Variants in CPNE4 observed in about 807,000 individuals in gnomAD.
CPNE4 encodes copine-4.
CPNE4 carries 25 observed loss-of-function variants against 67.9 expected under a neutral mutation model. That is an observed-to-expected ratio of 0.37 (90% CI 0.27 to 0.51). The LOEUF (loss-of-function observed/expected upper bound fraction) is 0.51, where lower values mean the gene tolerates loss of function less well. Among genes scored for constraint, CPNE4 ranks in the 20% least tolerant of loss-of-function variants. CPNE4 has a pLI of 0.93. For synonymous variants in CPNE4, 242 were observed against 244.9 expected (o/e 0.99, Z 0.11); for missense variants, 464 against 690.8 (o/e 0.67, Z 3.68).
At chr3:131,869,184 T>A (rs949607013) in intron 2 of CPNE4, among the ~76,000 whole-genome samples, 1 of 152,118 alleles carries the variant, frequency 6.6e-6, no homozygotes, top group South Asian at 2.1e-4. Context: ...TTCATTTTTT[T>A]AAACACCTGG....
chr3:131,842,679 CCAT>C, intron 2 of CPNE4, among the ~76,000 whole-genome samples: 2 of 148,498 alleles, frequency 1.3e-5, no homozygotes, highest in South Asian at 4.3e-4. Context: ...GCTAAGTTTT[CCAT>C]CACCACCAAT....
At chr3:131,986,745 A>T (rs2073052617) in intron 1 of CPNE4, among the ~76,000 whole-genome samples, 1 of 151,826 alleles carries the variant, frequency 6.6e-6, no homozygotes, top group Non-Finnish European at 1.5e-5. Context: ...AAATATAAAA[A>T]ATTAGAAGCC....
chr3:131,607,709 G>A (rs1403339548), intron 7 of CPNE4, among the ~76,000 whole-genome samples: 4 of 152,140 alleles, frequency 2.6e-5, no homozygotes, highest in Non-Finnish European at 5.9e-5. Flanking sequence ...TACTATGGGA[G>A]GTTAATAGGT....
chr3:131,855,641 G>A (rs9856151), intron 2 of CPNE4, among the ~76,000 whole-genome samples: 30,680 of 151,856 alleles, frequency 0.2, 3,849 homozygotes, highest in Non-Finnish European at 0.27. Flanking sequence ...GGTAAAGCCT[G>A]GGCTCTGGAG....
At chr3:131,696,365 C>A (rs1406413617) in intron 5 of CPNE4, among the ~76,000 whole-genome samples, 177 bp downstream of exon 5, 1 of 152,196 alleles carries the variant, frequency 6.6e-6, no homozygotes, top group Non-Finnish European at 1.5e-5. Flanking sequence ...AGTCCCTTCC[C>A]TTTCTCATTA....
intron 1 of CPNE4, among the ~76,000 whole-genome samples, chr3:131,938,827 G>A (rs954543496): frequency 6.6e-6 from 1 of 152,076 alleles, no homozygotes; most frequent in Non-Finnish European, 1.5e-5. Context: ...ATATAAAATG[G>A]ATCAGGTTTA....
chr3:131,941,480 T>C (rs2107857766), intron 1 of CPNE4, among the ~76,000 whole-genome samples: 1 of 152,182 alleles, frequency 6.6e-6, no homozygotes, highest in South Asian at 2.1e-4. Context: ...GAGCTGATTG[T>C]TAAACATTTA....
rs1437753399 is a variant in CPNE4 at position 131,649,938 on chromosome 3, T to C, written c.681+19737A>G. Reference sequence around the variant, plus strand: ...ACAAGGCTGAAATCTAGGTGTCAGGTAGGCTGCATTTTCATCTGAATGCTT... The same window carrying C: ...ACAAGGCTGAAATCTAGGTGTCAGGCAGGCTGCATTTTCATCTGAATGCTT... On this transcript the variant is annotated intron_variant, in intron 7 of 15. Coordinates refer to ENST00000429747, the MANE Select transcript of CPNE4 (RefSeq NM_130808.3). Among the ~76,000 whole-genome samples the C allele has an allele frequency of 3.3e-5, 5 of 152,188 alleles. No individual in the cohort carries two copies. In the East Asian group the frequency reaches 7.7e-4, roughly 23 times the overall value.
intron 2 of CPNE4, among the ~76,000 whole-genome samples, chr3:131,826,999 C>A (rs1039382851): frequency 6.6e-6 from 1 of 152,048 alleles, no homozygotes; most frequent in Non-Finnish European, 1.5e-5. Context: ...GTGATTGCAT[C>A]ACTGCACTCC....
chr3:131,976,531 C>T (rs912869885), intron 1 of CPNE4, among the ~76,000 whole-genome samples: 1 of 151,960 alleles, frequency 6.6e-6, no homozygotes, highest in African/African-American at 2.4e-5. Flanking sequence ...AGAAAACAAG[C>T]CTTCTCCTGG....
chr3:131,780,883 G>T (rs922600531), intron 2 of CPNE4, among the ~76,000 whole-genome samples: 2 of 152,004 alleles, frequency 1.3e-5, no homozygotes, highest in Non-Finnish European at 2.9e-5. Flanking sequence ...AACTGGAAAA[G>T]CTAAACCTGT....
intron 2 of CPNE4, among the ~76,000 whole-genome samples, chr3:131,892,384 A>G (rs1189450421): frequency 2.6e-5 from 4 of 152,116 alleles, no homozygotes; most frequent in African/African-American, 7.2e-5. Context: ...AGACAAGCAA[A>G]TGTTGAGGGA....
chr3:131,634,210 C>A (rs1372806306), intron 7 of CPNE4, among the ~76,000 whole-genome samples: 1 of 152,150 alleles, frequency 6.6e-6, no homozygotes, highest in Non-Finnish European at 1.5e-5. Context: ...TCCCAACATG[C>A]ATACTTATCC....
intron 1 of CPNE4, among the ~76,000 whole-genome samples, chr3:131,932,625 A>T (rs1361178794): frequency 6.6e-6 from 1 of 152,076 alleles, no homozygotes; most frequent in Non-Finnish European, 1.5e-5. Context: ...AATTTGGTAC[A>T]TGAGTAGGAG....
At chr3:131,606,184 G>T (rs893838208) in intron 7 of CPNE4, among the ~76,000 whole-genome samples, 16 of 152,162 alleles carry the variant, frequency 1.1e-4, no homozygotes, top group African/African-American at 3.9e-4. Flanking sequence ...GGCAATGTGG[G>T]ATTTACTGAC....
chr3:131,788,434 A>G (rs1245839280), intron 2 of CPNE4, among the ~76,000 whole-genome samples: 1 of 151,892 alleles, frequency 6.6e-6, no homozygotes, highest in Non-Finnish European at 1.5e-5. Context: ...ATAATCAATG[A>G]GTTACAATTT....
chr3:132,003,554 T>C (rs1249665313), intron 1 of CPNE4, among the ~76,000 whole-genome samples: 1 of 147,378 alleles, frequency 6.8e-6, no homozygotes, highest in Non-Finnish European at 1.5e-5. Context: ...ACTACTTCTA[T>C]GAAAAGCCAT....
chr3:131,549,879 G>A (rs1936076200), intron 14 of CPNE4, 68 bp downstream of exon 14: 2 of 1,560,870 alleles, frequency 1.3e-6, no homozygotes, highest in Non-Finnish European at 8.8e-7. Context: ...AGTGAGATGG[G>A]TCTTACGGCC....
chr3:132,005,186 C>A (rs1229828902), intron 1 of CPNE4, among the ~76,000 whole-genome samples: 1 of 151,588 alleles, frequency 6.6e-6, no homozygotes, highest in South Asian at 2.1e-4. Context: ...CCACTCATAC[C>A]AGAGGACAAT....
Sources: allele counts gnomAD v4.1 joint callset (sites outside exome capture counted in the v4.1 genomes callset), GRCh38; gene constraint gnomAD v4.1.1; transcripts MANE v1.5; gene names NCBI Gene and HGNC (gene_info 2026-07-23, HGNC 2026-07-21).